Variants in RAB3C observed in about 807,000 individuals in gnomAD.
RAB3C encodes the protein ras-related protein Rab-3C.
RAB3C carries 17 observed loss-of-function variants against 26.4 expected under a neutral mutation model. That is an observed-to-expected ratio of 0.64 (90% CI 0.44 to 0.97). The LOEUF (loss-of-function observed/expected upper bound fraction) is 0.97, where lower values mean the gene tolerates loss of function less well. RAB3C is among the 50% of genes least tolerant of loss of function. The pLI is 0.00. For synonymous variants in RAB3C, 91 were observed against 95.9 expected (o/e 0.95, Z 0.30); for missense variants, 242 against 281.9 (o/e 0.86, Z 1.01).
At position 58,857,719 on chromosome 5, in the gene RAB3C, A is replaced by G. The variant is rs1441076431; in HGVS notation, c.*6368A>G. 1 of 152,214 alleles carries G rather than the reference A, an allele frequency of 6.6e-6. No homozygotes were observed. The highest frequency in any genetic ancestry group is 2.4e-5 in the African/African-American group (1 of 41,448). The allele number at this position is 152,214 out of a possible 1,614,324, so 9.4% of individuals were successfully genotyped here. A position where few individuals can be genotyped will look rare whatever the true frequency, so the allele number is the denominator to read the frequency against. ...ATTCACTTTCAATTCTCAGTTGTCC[A>G]CACTGGTGATATAAGAGGAACAAAT... On this transcript the variant is annotated 3_prime_UTR_variant, in exon 5 of 5. Transcript: ENST00000282878.
chr5:58,713,140 G>T (rs1749097102), intron 2 of RAB3C, among the ~76,000 whole-genome samples: 1 of 152,140 alleles, frequency 6.6e-6, no homozygotes, highest in Non-Finnish European at 1.5e-5. Flanking sequence ...GAACAGGAGT[G>T]AGTGGTGGTA....
At chr5:58,599,434 A>G (rs1746401777) in intron 1 of RAB3C, among the ~76,000 whole-genome samples, 1 of 152,074 alleles carries the variant, frequency 6.6e-6, no homozygotes, top group Non-Finnish European at 1.5e-5. Flanking sequence ...TCAGGATTGC[A>G]TTGTCAGGGT....
At chr5:58,688,873 G>C (rs1490171944) in intron 2 of RAB3C, among the ~76,000 whole-genome samples, 1 of 152,068 alleles carries the variant, frequency 6.6e-6, no homozygotes, top group Non-Finnish European at 1.5e-5. Context: ...ACATGTATTT[G>C]ATTTGTTTTT....
upstream of RAB3C, among the ~76,000 whole-genome samples, chr5:58,582,687 C>G (rs544227228): frequency 6.6e-6 from 1 of 152,272 alleles, no homozygotes; most frequent in African/African-American, 2.4e-5. Context: ...TCCCAGAGAC[C>G]AGCTCTGGCT....
At chr5:58,734,498 T>C (rs1741092904) in intron 3 of RAB3C, among the ~76,000 whole-genome samples, 1 of 152,168 alleles carries the variant, frequency 6.6e-6, no homozygotes, top group Non-Finnish European at 1.5e-5. Flanking sequence ...TCTCCCTGGA[T>C]GTTAATGATA....
intron 2 of RAB3C, among the ~76,000 whole-genome samples, chr5:58,683,109 G>A (rs932208807): frequency 1.3e-5 from 2 of 152,138 alleles, no homozygotes; most frequent in African/African-American, 4.8e-5. Context: ...CTCAGGGCTA[G>A]GAATATGTGA....
intron 2 of RAB3C, among the ~76,000 whole-genome samples, chr5:58,690,773 G>A (rs1241376190): frequency 1.3e-5 from 2 of 152,086 alleles, no homozygotes; most frequent in Non-Finnish European, 2.9e-5. Flanking sequence ...AAAAAAAGCA[G>A]ACTATAGAAA....
intron 1 of RAB3C, among the ~76,000 whole-genome samples, chr5:58,611,382 G>T (rs940386385): frequency 1.3e-5 from 2 of 152,098 alleles, no homozygotes; most frequent in Non-Finnish European, 2.9e-5. Flanking sequence ...CTGCAGCCTT[G>T]CCAGAATCTG....
intron 1 of RAB3C, among the ~76,000 whole-genome samples, chr5:58,613,444 T>C (rs534611542): frequency 1.3e-5 from 2 of 152,246 alleles, no homozygotes; most frequent in Non-Finnish European, 2.9e-5. Context: ...ATAAAATACA[T>C]ACTGATCAAA....
intron 3 of RAB3C, among the ~76,000 whole-genome samples, chr5:58,766,717 T>C (rs1465158518): frequency 6.6e-6 from 1 of 152,138 alleles, no homozygotes; most frequent in Non-Finnish European, 1.5e-5. Flanking sequence ...GGTAGGTAGA[T>C]AGAGCTCAGC....
intron 4 of RAB3C, among the ~76,000 whole-genome samples, chr5:58,842,664 G>C (rs531268047): frequency 9.2e-5 from 14 of 152,322 alleles, no homozygotes; most frequent in African/African-American, 3.1e-4. Flanking sequence ...TGAGAGTTCA[G>C]TGAAAAAGCT....
chr5:58,630,966 G>C (rs576391652), intron 2 of RAB3C, among the ~76,000 whole-genome samples: 1 of 152,292 alleles, frequency 6.6e-6, no homozygotes, highest in African/African-American at 2.4e-5. Context: ...TCTGACAATA[G>C]GTGGCTTCCC....
At chr5:58,605,208 G>GT (rs1746534097) in intron 1 of RAB3C, among the ~76,000 whole-genome samples, 1 of 151,762 alleles carries the variant, frequency 6.6e-6, no homozygotes, top group Non-Finnish European at 1.5e-5. Context: ...CCATCAGAGG[G>GT]TCTGTGGGTC....
chr5:58,721,846 C>CATTTAAATGATAAATAATA (rs1740773359), intron 2 of RAB3C, among the ~76,000 whole-genome samples: 3 of 151,724 alleles, frequency 2.0e-5, no homozygotes, highest in Admixed American at 6.6e-5. Context: ...ATAAATATTA[C>CATTTAAATGATAAATAATA]CAATTAGATT....
chr5:58,806,348 T>C (rs1364027494), intron 3 of RAB3C, among the ~76,000 whole-genome samples: 1 of 152,186 alleles, frequency 6.6e-6, no homozygotes, highest in East Asian at 1.9e-4. Flanking sequence ...GCTATTGTTA[T>C]TCTAATGAGG....
chr5:58,745,107 G>C (rs553297914), intron 3 of RAB3C, among the ~76,000 whole-genome samples: 2 of 151,994 alleles, frequency 1.3e-5, no homozygotes, highest in Admixed American at 1.3e-4. Flanking sequence ...TGTTCAGAAA[G>C]TAGATGGGGG....
intron 1 of RAB3C, among the ~76,000 whole-genome samples, chr5:58,611,244 C>A (rs543766682): frequency 2.3e-4 from 32 of 139,470 alleles, no homozygotes; most frequent in African/African-American, 8.0e-4. Flanking sequence ...GGGTATATAC[C>A]CAGTGGTGAG....
intron 3 of RAB3C, among the ~76,000 whole-genome samples, chr5:58,780,038 A>G (rs555795930): frequency 3.9e-5 from 6 of 152,192 alleles, no homozygotes; most frequent in African/African-American, 1.4e-4. Flanking sequence ...CCCCATCTTC[A>G]TGATGGTCAT....
intron 2 of RAB3C, among the ~76,000 whole-genome samples, chr5:58,631,198 G>A (rs750772143): frequency 6.6e-6 from 1 of 152,132 alleles, no homozygotes; most frequent in African/African-American, 2.4e-5. Flanking sequence ...CTCAAATCTG[G>A]CTCACTGGAG....
Sources: allele counts gnomAD v4.1 joint callset (sites outside exome capture counted in the v4.1 genomes callset), GRCh38; gene constraint gnomAD v4.1.1; transcripts MANE v1.5; gene names NCBI Gene and HGNC (gene_info 2026-07-23, HGNC 2026-07-21).